The following SND1 variants were observed in gnomAD, a reference collection of about 807,000 sequenced individuals.
The protein encoded by SND1 is staphylococcal nuclease domain-containing protein 1.
SND1 carries 38 observed loss-of-function variants against 121.7 expected under a neutral mutation model. That is an observed-to-expected ratio of 0.31 (90% CI 0.24 to 0.41). The LOEUF (loss-of-function observed/expected upper bound fraction) is 0.41, where lower values mean the gene tolerates loss of function less well. Ranked by LOEUF, SND1 falls within the 10% of genes least tolerant of loss-of-function variation. SND1 has a pLI of 1.00. For synonymous variants in SND1, 401 were observed against 447.4 expected (o/e 0.90, Z 1.31); for missense variants, 868 against 1,184.6 (o/e 0.73, Z 3.92).
chr7:127,833,263 T>C (rs1798797693), intron 11 of SND1, among the ~76,000 whole-genome samples: 1 of 147,938 alleles, frequency 6.8e-6, no homozygotes, highest in Admixed American at 6.7e-5. Context: ...GAACTGTCTT[T>C]TTTTTTTTTT....
intron 12 of SND1, among the ~76,000 whole-genome samples, chr7:127,860,958 A>T (rs191997968): frequency 1.3e-5 from 2 of 152,330 alleles, no homozygotes; most frequent in African/African-American, 4.8e-5. Flanking sequence ...CCTTACGTAT[A>T]TGAAATTAAT....
chr7:128,017,584 G>A (rs1248724128), intron 16 of SND1, among the ~76,000 whole-genome samples: 1 of 152,168 alleles, frequency 6.6e-6, no homozygotes, highest in African/African-American at 2.4e-5. Context: ...CTGCCATGCG[G>A]CCTTCAGCAT....
intron 10 of SND1, among the ~76,000 whole-genome samples, chr7:127,773,052 T>C (rs1797545143): frequency 6.6e-6 from 1 of 152,248 alleles, no homozygotes; most frequent in African/African-American, 2.4e-5. Flanking sequence ...GAAACCACAG[T>C]GAAAGCTTTT....
intron 16 of SND1, among the ~76,000 whole-genome samples, chr7:128,016,245 G>GT (rs1803222457): frequency 6.7e-6 from 1 of 149,712 alleles, no homozygotes; most frequent in Admixed American, 6.7e-5. Context: ...AGCCTCCCTA[G>GT]TAGCTAGGAC....
chr7:127,916,451 G>A (rs566542587), intron 14 of SND1, among the ~76,000 whole-genome samples: 2 of 152,176 alleles, frequency 1.3e-5, no homozygotes, highest in South Asian at 2.1e-4. Context: ...TAAAATTGAG[G>A]CACTAATGAG....
At chr7:128,058,278 G>A in intron 16 of SND1, among the ~76,000 whole-genome samples, 1 of 152,284 alleles carries the variant, frequency 6.6e-6, no homozygotes, top group East Asian at 1.9e-4. Flanking sequence ...ACAATGAGAT[G>A]AGCCAACAGT....
At chr7:127,733,930 A>G (rs1796726320) in intron 10 of SND1, among the ~76,000 whole-genome samples, 2 of 151,996 alleles carry the variant, frequency 1.3e-5, no homozygotes, top group South Asian at 2.1e-4. Flanking sequence ...AGTTTTTCTT[A>G]AGATGTAGTT....
intron 12 of SND1, among the ~76,000 whole-genome samples, chr7:127,880,847 A>G (rs546007248): frequency 6.6e-6 from 1 of 151,998 alleles, no homozygotes; most frequent in African/African-American, 2.4e-5. Context: ...AATTTTGTCT[A>G]CCTCACCCAG....
intron 16 of SND1, among the ~76,000 whole-genome samples, chr7:128,059,328 G>A (rs545257468): frequency 1.3e-5 from 2 of 152,286 alleles, no homozygotes; most frequent in South Asian, 4.1e-4. Flanking sequence ...GACAGGATGT[G>A]GCTTTATCGT....
chr7:127,717,178 A>G (rs559897318), intron 9 of SND1, among the ~76,000 whole-genome samples: 2 of 152,198 alleles, frequency 1.3e-5, no homozygotes, highest in Non-Finnish European at 2.9e-5. Flanking sequence ...TTAATATTTT[A>G]CGGGAGTATT....
intron 15 of SND1, among the ~76,000 whole-genome samples, chr7:127,931,134 A>G (rs1371022558): frequency 1.3e-5 from 2 of 152,160 alleles, no homozygotes; most frequent in African/African-American, 4.8e-5. Context: ...AACCAAACAA[A>G]GCTTGGTGCA....
At chr7:127,887,594 T>A (rs1487013924) in intron 12 of SND1, among the ~76,000 whole-genome samples, 1 of 152,070 alleles carries the variant, frequency 6.6e-6, no homozygotes, top group Admixed American at 6.6e-5. Flanking sequence ...GTGGCTTGTT[T>A]ATAACATTCT....
In SND1 at chr7:128,089,526, G is replaced by A. The variant is rs527280375; in HGVS notation, c.2456G>A (p.Arg819Gln). The change falls in exon 22 of 24, where the codon CGG becomes CAG. Residue 819 changes from arginine to glutamine, a missense_variant. By Grantham distance (43) the Arg-to-Gln change is conservative. Transcript: ENST00000354725. ...ARTDAVDSVV[R>Q]DIQNTQCLLN... ...ACGGACGCCGTGGACAGCGTAGTTC[G>A]GGATATCCAGAACACTCAGTGCCTG... 1.1e-5 allele frequency: 18 copies of A among 1,614,178 alleles called. No homozygotes were observed. Among genetic ancestry groups the A allele is most frequent in the East Asian group, 6.7e-5 (3 of 44,886 alleles).
intron 11 of SND1, among the ~76,000 whole-genome samples, chr7:127,831,998 C>G (rs1013056140): frequency 2.0e-5 from 3 of 152,310 alleles, no homozygotes; most frequent in African/African-American, 7.2e-5. Context: ...AAAAGGATTA[C>G]ATCATATTTA....
chr7:128,031,331 G>A (rs1394573774), intron 16 of SND1, among the ~76,000 whole-genome samples: 5 of 151,926 alleles, frequency 3.3e-5, no homozygotes, highest in South Asian at 2.1e-4. Flanking sequence ...GGCCGCCGCC[G>A]GAGGGAGTGC....
chr7:127,908,010 C>T (rs1166564435), intron 14 of SND1, among the ~76,000 whole-genome samples: 2 of 152,070 alleles, frequency 1.3e-5, no homozygotes, highest in Admixed American at 6.6e-5. Flanking sequence ...TCTGTAGTGG[C>T]CAAATAAGCC....
rs141397209 is a variant in SND1, at chr7:127,880,569, G to A, written c.1344-7333G>A. On this transcript the variant is annotated intron_variant, in intron 12 of 23. Transcript: ENST00000354725. Reference sequence around the variant, plus strand: ...TGTGTTTACCTTAAGGAAAATATTCGGCTTTTCTGATCTCCATGGATGCCT... The same window carrying A: ...TGTGTTTACCTTAAGGAAAATATTCAGCTTTTCTGATCTCCATGGATGCCT... Among the ~76,000 whole-genome samples the A allele has an allele frequency of 6.2e-3, 940 of 152,010 alleles. 16 individuals are homozygous for A. The highest frequency in any genetic ancestry group is 0.021 in the African/African-American group (871 of 41,470).
At chr7:127,777,751 A>AC (rs1797647262) in intron 10 of SND1, among the ~76,000 whole-genome samples, 1 of 152,104 alleles carries the variant, frequency 6.6e-6, no homozygotes, top group South Asian at 2.1e-4. Flanking sequence ...GTTTGGACCA[A>AC]TCTGGTGTCC....
chr7:128,064,241 TA>T (rs886305729), intron 16 of SND1, among the ~76,000 whole-genome samples: 2 of 152,008 alleles, frequency 1.3e-5, no homozygotes, highest in African/African-American at 4.8e-5. Flanking sequence ...ATTAAGCCAG[TA>T]AGTAGTAGAG....
Sources: gnomAD v4.1 joint callset for allele counts (sites outside exome capture counted in the v4.1 genomes callset) on GRCh38, gnomAD v4.1.1 for gene constraint, MANE v1.5 for transcripts, NCBI Gene and HGNC (gene_info 2026-07-23, HGNC 2026-07-21) for gene names.